PPM1H: variants seen among roughly 807,000 people sequenced by gnomAD.
PPM1H encodes the protein protein phosphatase, Mg2+/Mn2+ dependent 1H.
In PPM1H, 27 loss-of-function variants were observed where a neutral mutation model predicts 54.9. The observed-to-expected ratio is 0.49, with a 90% CI of 0.36 to 0.68. PPM1H has a LOEUF of 0.68. PPM1H is among the 30% of genes least tolerant of loss of function. The pLI is 0.00. For synonymous variants in PPM1H, 305 were observed against 270.8 expected (o/e 1.13, Z -1.24); for missense variants, 596 against 667.8 (o/e 0.89, Z 1.19).
rs35100515 is a variant in PPM1H at position 62,920,485 on chromosome 12, G to GTTT, written c.245+14004_245+14006dup. ...GGTACCACAGGTGCACCTGAATGAG[G>GTTT]TTTTTTTTTTTTTTTTTGTGGAGAC... On this transcript the variant is annotated intron_variant, in intron 1 of 9. Transcript: ENST00000228705. Among the ~76,000 whole-genome samples the GTTT allele has an allele frequency of 2.6e-3, 359 of 136,632 alleles. 1 individual carries two copies. Among genetic ancestry groups the GTTT allele is most frequent in the African/African-American group, 7.5e-3 (273 of 36,310 alleles). The allele number at this position is 136,632 out of a possible 152,430, so 89.6% of individuals were successfully genotyped here.
chr12:62,661,501 A>G (rs138714661), intron 9 of PPM1H, among the ~76,000 whole-genome samples: 86 of 152,324 alleles, frequency 5.6e-4, no homozygotes, highest in Middle Eastern at 3.4e-3. Context: ...GCCAGCTTCA[A>G]GAGATTCTCG....
chr12:62,835,807 AG>A (rs993783668), intron 1 of PPM1H, among the ~76,000 whole-genome samples: 1 of 152,194 alleles, frequency 6.6e-6, no homozygotes, highest in African/African-American at 2.4e-5. Context: ...TTTAGTAGAA[AG>A]GCCTCATTCT....
At chr12:62,840,490 C>T (rs1799494078) in intron 1 of PPM1H, among the ~76,000 whole-genome samples, 1 of 152,084 alleles carries the variant, frequency 6.6e-6, no homozygotes, top group Admixed American at 6.5e-5. Flanking sequence ...TACTCAAGGC[C>T]TATGTCGCAA....
chr12:62,894,934 G>A (rs1565822437), intron 1 of PPM1H, among the ~76,000 whole-genome samples: 1 of 152,188 alleles, frequency 6.6e-6, no homozygotes, highest in Non-Finnish European at 1.5e-5. Context: ...GGGCTGCATG[G>A]CAACTTTGTA....
chr12:62,935,055 C>G lies in PPM1H; in HGVS notation c.-319G>C. 1 of 177,620 alleles carries G rather than the reference C, an allele frequency of 5.6e-6. No individual in the cohort carries two copies. The allele number at this position is 177,620 out of a possible 1,614,324, so 11.0% of individuals were successfully genotyped here. ...GCTGCAGCAGGTCCCTTCCCCGCCC[C>G]CTGCGCTCGGCTCCGGCGTGCGCTG... On this transcript the variant is annotated 5_prime_UTR_variant, in exon 1 of 10. Transcript: ENST00000228705.
intron 3 of PPM1H, among the ~76,000 whole-genome samples, chr12:62,792,021 T>C (rs886695087): frequency 1.3e-5 from 2 of 152,232 alleles, no homozygotes; most frequent in African/African-American, 4.8e-5. Context: ...ACCACTAGTA[T>C]GATCCAAAAG....
intron 2 of PPM1H, among the ~76,000 whole-genome samples, chr12:62,826,534 A>G (rs1205073514): frequency 2.0e-5 from 3 of 152,340 alleles, no homozygotes; most frequent in African/African-American, 7.2e-5. Flanking sequence ...TCACACTTCT[A>G]TTGAAATCCT....
intron 2 of PPM1H, among the ~76,000 whole-genome samples, chr12:62,830,767 G>A (rs2048272): frequency 0.3 from 46,323 of 152,066 alleles, 9,300 homozygotes; most frequent in African/African-American, 0.57. Flanking sequence ...ATAAATCCCC[G>A]TAAGTCAACT....
Position 62,647,307 on chromosome 12 carries a change from T to A in PPM1H, c.*1182A>T, listed in dbSNP as rs2075791431. On this transcript the variant is annotated 3_prime_UTR_variant, in exon 10 of 10. Transcript: ENST00000228705. ...CCAGTCAACCCATTTCAAATTCTTT[T>A]ATTAAAGTGCCCCCCGAGGGGCCTT... 6.6e-6 allele frequency: 1 copy of A among 152,188 alleles called. No individual in the cohort carries two copies. Among genetic ancestry groups the A allele is most frequent in the Non-Finnish European group, 1.5e-5 (1 of 68,054 alleles). 9.4% of individuals were successfully genotyped at this position (152,188 alleles called of 1,614,324 possible).
intron 6 of PPM1H, among the ~76,000 whole-genome samples, chr12:62,697,084 G>T (rs1344325887): frequency 3.3e-5 from 5 of 151,952 alleles, no homozygotes; most frequent in Admixed American, 3.3e-4. Flanking sequence ...ACGGTACTGG[G>T]TCTACAGAGA....
At chr12:62,861,820 G>T (rs1869612080) in intron 1 of PPM1H, among the ~76,000 whole-genome samples, 1 of 152,226 alleles carries the variant, frequency 6.6e-6, no homozygotes, top group Admixed American at 6.5e-5. Flanking sequence ...TTCTAAAGGG[G>T]CAGCTTGTAC....
At chr12:62,873,089 G>A (rs1223459997) in intron 1 of PPM1H, among the ~76,000 whole-genome samples, 1 of 152,178 alleles carries the variant, frequency 6.6e-6, no homozygotes, top group East Asian at 1.9e-4. Flanking sequence ...CACAGACCTG[G>A]TTAGTGGCAG....
chr12:62,669,480 C>G (rs916739825), intron 8 of PPM1H, among the ~76,000 whole-genome samples: 1 of 152,096 alleles, frequency 6.6e-6, no homozygotes, highest in African/African-American at 2.4e-5. Flanking sequence ...GACCGGGCCC[C>G]GAGTAGCAAG....
intron 6 of PPM1H, among the ~76,000 whole-genome samples, chr12:62,718,333 C>G (rs1287986436): frequency 2.0e-5 from 3 of 152,152 alleles, no homozygotes; most frequent in Non-Finnish European, 4.4e-5. Context: ...CTATTTAGGC[C>G]TCGAGACCTC....
chr12:62,676,445 C>G (rs764271624), intron 8 of PPM1H, among the ~76,000 whole-genome samples: 8 of 152,194 alleles, frequency 5.3e-5, no homozygotes, highest in Non-Finnish European at 1.2e-4. Context: ...CCCTGTCCTC[C>G]TGGGTGCAGG....
At position 62,759,026 on chromosome 12, in the gene PPM1H, C is replaced by T. The variant is rs1012993475; in HGVS notation, c.870-21440G>A. Among the ~76,000 whole-genome samples the T allele has an allele frequency of 3.9e-5, 6 of 152,234 alleles. No homozygotes were observed. The East Asian group carries it at 9.6e-4, about 24-fold the overall frequency. ...CTTTGTGAGATCCACCCACTGCCCG[C>T]AAAACATTGCTCCTAACTCCACTGC... On this transcript the variant is annotated intron_variant, in intron 4 of 9. Coordinates refer to ENST00000228705, the MANE Select transcript of PPM1H (RefSeq NM_020700.2).
At chr12:62,699,435 T>C (rs948623504) in intron 6 of PPM1H, among the ~76,000 whole-genome samples, 2 of 152,216 alleles carry the variant, frequency 1.3e-5, no homozygotes, top group African/African-American at 4.8e-5. Flanking sequence ...TGACCTCAGG[T>C]CATACGCCTG....
intron 4 of PPM1H, among the ~76,000 whole-genome samples, chr12:62,766,063 G>A (rs73314565): frequency 6.6e-6 from 1 of 152,072 alleles, no homozygotes; most frequent in Non-Finnish European, 1.5e-5. Flanking sequence ...GTGGCCAGCC[G>A]TGTAAGGGGC....
intron 2 of PPM1H, among the ~76,000 whole-genome samples, chr12:62,816,853 A>G (rs567733607): frequency 6.6e-6 from 1 of 152,014 alleles, no homozygotes; most frequent in South Asian, 2.1e-4. Flanking sequence ...TTCCATCTCA[A>G]CATGATTTAT....
Sources: allele counts gnomAD v4.1 joint callset (sites outside exome capture counted in the v4.1 genomes callset), GRCh38; gene constraint gnomAD v4.1.1; transcripts MANE v1.5; gene names NCBI Gene and HGNC (gene_info 2026-07-23, HGNC 2026-07-21).